Variants in DSCAM observed in about 807,000 individuals in gnomAD.
DSCAM encodes cell adhesion molecule DSCAM.
A neutral mutation model predicts 217.7 loss-of-function variants in DSCAM; 47 were observed. The observed-to-expected ratio is 0.22, with a 90% CI of 0.17 to 0.28. The LOEUF (loss-of-function observed/expected upper bound fraction) is 0.28. DSCAM is among the 10% of genes least tolerant of loss of function. The pLI is 1.00. For synonymous variants in DSCAM, 1,056 were observed against 1,015.3 expected, an observed-to-expected ratio of 1.04 and a Z score of -0.76; for missense variants, 2,080 against 2,618.3, an observed-to-expected ratio of 0.79 and a Z score of 4.49.
chr21:40,804,174 G>A (rs1033047133), intron 1 of DSCAM, among the ~76,000 whole-genome samples: 2 of 152,182 alleles, frequency 1.3e-5, no homozygotes, highest in Admixed American at 1.3e-4. Context: ...CACAGGGATA[G>A]GGGAGGCTTC....
chr21:40,752,555 C>T (rs1461589627), intron 1 of DSCAM, among the ~76,000 whole-genome samples: 2 of 152,054 alleles, frequency 1.3e-5, no homozygotes, highest in African/African-American at 4.8e-5. Context: ...GGTGCAGGGA[C>T]TTGTGTTTGT....
At chr21:40,685,960 CAG>C (rs1023643816) in intron 3 of DSCAM, among the ~76,000 whole-genome samples, 7 of 148,124 alleles carry the variant, frequency 4.7e-5, no homozygotes, top group South Asian at 2.2e-4. Flanking sequence ...AAAACAAAAA[CAG>C]AGAGAGATAG....
chr21:40,020,285 T>A (rs1308244921), intron 32 of DSCAM, among the ~76,000 whole-genome samples: 1 of 152,208 alleles, frequency 6.6e-6, no homozygotes, highest in African/African-American at 2.4e-5. Flanking sequence ...CACATGGAAC[T>A]GTGAGTCCAT....
chr21:40,162,001 T>C (rs1169588129), intron 16 of DSCAM, among the ~76,000 whole-genome samples: 2 of 152,226 alleles, frequency 1.3e-5, no homozygotes, highest in Admixed American at 1.3e-4. Context: ...ATTTCATATA[T>C]CTTTAATTTT....
At chr21:40,530,401 T>C (rs1235609398) in intron 3 of DSCAM, among the ~76,000 whole-genome samples, 1 of 152,224 alleles carries the variant, frequency 6.6e-6, no homozygotes, top group African/African-American at 2.4e-5. Flanking sequence ...TGACTGGTTG[T>C]CTACAAGTTG....
intron 3 of DSCAM, among the ~76,000 whole-genome samples, chr21:40,457,302 A>G (rs2075771603): frequency 6.6e-6 from 1 of 152,052 alleles, no homozygotes; most frequent in African/African-American, 2.4e-5. Flanking sequence ...GCTTGAGCCT[A>G]GGAGTTCGAG....
intron 3 of DSCAM, among the ~76,000 whole-genome samples, chr21:40,681,326 C>T (rs558149476): frequency 6.6e-6 from 1 of 152,288 alleles, no homozygotes; most frequent in South Asian, 2.1e-4. Flanking sequence ...TGACACAGAC[C>T]AGGCTACTTG....
intron 11 of DSCAM, among the ~76,000 whole-genome samples, chr21:40,242,883 T>A (rs1369174451): frequency 2.0e-5 from 3 of 152,186 alleles, no homozygotes; most frequent in African/African-American, 7.2e-5. Context: ...CTTTTCTGGA[T>A]CTGTTTCCCA....
At chr21:40,508,631 C>T (rs1014860036) in intron 3 of DSCAM, among the ~76,000 whole-genome samples, 1 of 150,152 alleles carries the variant, frequency 6.7e-6, no homozygotes, top group African/African-American at 2.4e-5. Context: ...TGCAGCGGTG[C>T]AGTCATCGCT....
chr21:40,521,086 G>C (rs536180122), intron 3 of DSCAM, among the ~76,000 whole-genome samples: 1 of 152,322 alleles, frequency 6.6e-6, no homozygotes, highest in South Asian at 2.1e-4. Flanking sequence ...CCTACTGTAT[G>C]TAGAACAGTG....
At chr21:40,516,811 T>C (rs538910037) in intron 3 of DSCAM, among the ~76,000 whole-genome samples, 17 of 151,634 alleles carry the variant, frequency 1.1e-4, no homozygotes, top group Admixed American at 7.9e-4. Context: ...ATATACACTA[T>C]TGTGTTTCAA....
intron 11 of DSCAM, among the ~76,000 whole-genome samples, chr21:40,222,725 TA>T (rs1335237800): frequency 3.9e-5 from 6 of 152,240 alleles, no homozygotes; most frequent in East Asian, 1.9e-4. Flanking sequence ...AGTTGTCATT[TA>T]AAAAAATATC....
intron 3 of DSCAM, among the ~76,000 whole-genome samples, chr21:40,404,707 G>A (rs1601617127): frequency 6.6e-6 from 1 of 152,316 alleles, no homozygotes; most frequent in East Asian, 1.9e-4. Context: ...CCAGGCCAGG[G>A]GTTGGATATA....
chr21:40,572,433 G>C (rs986757035), intron 3 of DSCAM, among the ~76,000 whole-genome samples: 1 of 151,938 alleles, frequency 6.6e-6, no homozygotes, highest in Non-Finnish European at 1.5e-5. Flanking sequence ...CAATTGTATT[G>C]ATAATTACAT....
At chr21:40,588,328 A>G (rs1436508101) in intron 3 of DSCAM, among the ~76,000 whole-genome samples, 1 of 152,218 alleles carries the variant, frequency 6.6e-6, no homozygotes, top group Non-Finnish European at 1.5e-5. Flanking sequence ...ATATACTGTC[A>G]TATATTCAGG....
At chr21:40,328,165 A>G (rs2074338028) in intron 8 of DSCAM, among the ~76,000 whole-genome samples, 1 of 152,124 alleles carries the variant, frequency 6.6e-6, no homozygotes, top group Non-Finnish European at 1.5e-5. Flanking sequence ...AATATAACCA[A>G]AAAAGAGCCA....
At chr21:40,228,657 T>TA (rs2091355300) in intron 11 of DSCAM, among the ~76,000 whole-genome samples, 1 of 151,158 alleles carries the variant, frequency 6.6e-6, no homozygotes, top group Non-Finnish European at 1.5e-5. Flanking sequence ...TTTTTTTTTT[T>TA]CTTGGTACTT....
intron 3 of DSCAM, among the ~76,000 whole-genome samples, chr21:40,559,937 C>G (rs1484723445): frequency 6.6e-6 from 1 of 151,840 alleles, no homozygotes; most frequent in Non-Finnish European, 1.5e-5. Context: ...GGGCTACAGG[C>G]GCCCAACTAC....
chr21:40,717,467 C>G (rs756938543), intron 1 of DSCAM, among the ~76,000 whole-genome samples: 4 of 152,200 alleles, frequency 2.6e-5, no homozygotes, highest in Non-Finnish European at 5.9e-5. Flanking sequence ...AAGCAAAATG[C>G]GGCTTAGCCT....
Sources: allele counts gnomAD v4.1 joint callset (sites outside exome capture counted in the v4.1 genomes callset), GRCh38; gene constraint gnomAD v4.1.1; transcripts MANE v1.5; gene names NCBI Gene and HGNC (gene_info 2026-07-23, HGNC 2026-07-21).